Variants in CASP8 observed in about 807,000 individuals in gnomAD.
The protein encoded by CASP8 is caspase 8.
A neutral mutation model predicts 46.3 loss-of-function variants in CASP8; 24 were observed. The observed-to-expected ratio is 0.52, with a 90% CI of 0.38 to 0.73. The LOEUF is 0.73. Among genes scored for constraint, CASP8 ranks in the 30% least tolerant of loss-of-function variants. CASP8 has a pLI of 0.00. For missense variants in CASP8, 460 were observed against 559.0 expected (o/e 0.82, Z 1.79); for synonymous variants, 188 against 200.4 (o/e 0.94, Z 0.52).
upstream of CASP8, among the ~76,000 whole-genome samples, chr2:201,258,968 CTG>C (rs1947195156): frequency 7.2e-6 from 1 of 139,588 alleles, no homozygotes; most frequent in Non-Finnish European, 1.6e-5. Flanking sequence ...TATGTGTACA[CTG>C]TTTTTTAACT....
chr2:201,235,203 T>C (rs2124828878), intron 2 of CASP8, among the ~76,000 whole-genome samples: 2 of 152,324 alleles, frequency 1.3e-5, no homozygotes, highest in South Asian at 4.1e-4. Context: ...TTTTCCTTTA[T>C]GTCTGCCTTA....
At chr2:201,252,310 T>G (rs1056766757) in intron 2 of CASP8, among the ~76,000 whole-genome samples, 6 of 152,124 alleles carry the variant, frequency 3.9e-5, no homozygotes, top group African/African-American at 1.4e-4. Context: ...AGAGTCTCGC[T>G]CTGTCACCAG....
chr2:201,265,777 CT>C (rs1284445048), intron 1 of CASP8, among the ~76,000 whole-genome samples: 2 of 152,102 alleles, frequency 1.3e-5, no homozygotes, highest in Admixed American at 6.5e-5. Context: ...CTCCTTGTGC[CT>C]GCCTGAATGG....
chr2:201,238,052 A>G (rs946541639), intron 2 of CASP8, among the ~76,000 whole-genome samples: 1 of 152,260 alleles, frequency 6.6e-6, no homozygotes, highest in South Asian at 2.1e-4. Context: ...GGGAGCAGTC[A>G]GGGTAGACTT....
At chr2:201,258,339 A>G (rs1270927174), upstream of CASP8, 2 of 1,613,966 alleles carry the variant, frequency 1.2e-6, no homozygotes, top group East Asian at 2.2e-5. Context: ...TAGGCAGGTT[A>G]GGGGACTCGG....
chr2:201,272,080 G>A lies in CASP8; in HGVS notation c.411+459G>A, dbSNP rs1220490860. On this transcript the variant is annotated intron_variant, in intron 3 of 8. Coordinates refer to ENST00000673742, the MANE Select transcript of CASP8 (RefSeq NM_001372051.1). This position sits in a 1 kb window ranked among gnomAD's most constrained non-coding sequence, Gnocchi z 4.4. ...ATCTCTGTGTGTCTCTGTATAAGTG[G>A]TGTGTGTGTCTGTGTATCTCTGTGT... Among the ~76,000 whole-genome samples, 1 of 151,730 alleles carries A rather than the reference G, an allele frequency of 6.6e-6. No homozygotes were observed. Among genetic ancestry groups the A allele is most frequent in the Non-Finnish European group, 1.5e-5 (1 of 67,914 alleles).
At chr2:201,271,491 A>G in intron 2 of CASP8, 25 bp from the exon 3 acceptor site, 1 of 1,349,712 alleles carries the variant, frequency 7.4e-7, no homozygotes, top group Non-Finnish European at 1.1e-6. Flanking sequence ...AAAGATTTCT[A>G]AAGTGTCTCC....
intron 2 of CASP8, among the ~76,000 whole-genome samples, chr2:201,250,486 G>C (rs34308746): frequency 0.014 from 2,119 of 152,284 alleles, 51 homozygotes; most frequent in African/African-American, 0.049. Flanking sequence ...GAAGACAAAG[G>C]GGGAGCGAGA....
intron 2 of CASP8, among the ~76,000 whole-genome samples, chr2:201,243,621 A>G (rs1348242027): frequency 1.3e-5 from 2 of 152,224 alleles, no homozygotes; most frequent in Admixed American, 6.5e-5. Flanking sequence ...TACCTACCAG[A>G]TGCCCAAATC....
chr2:201,261,666 C>G (rs758162057), intron 1 of CASP8, among the ~76,000 whole-genome samples: 2 of 152,070 alleles, frequency 1.3e-5, no homozygotes, highest in African/African-American at 4.8e-5. Context: ...CGGGGCAGCC[C>G]GCAGTCTGAG....
At chr2:201,267,385 G>C (rs1947898377) in intron 2 of CASP8, among the ~76,000 whole-genome samples, 1 of 152,056 alleles carries the variant, frequency 6.6e-6, no homozygotes, top group Non-Finnish European at 1.5e-5. Context: ...TTAAAGACTC[G>C]AATGACTAAG....
chr2:201,280,144 C>T (rs1310518795), intron 7 of CASP8, among the ~76,000 whole-genome samples: 1 of 151,900 alleles, frequency 6.6e-6, no homozygotes, highest in African/African-American at 2.4e-5. Flanking sequence ...GAAAAAGGGA[C>T]AGAACAAGCA....
intron 2 of CASP8, among the ~76,000 whole-genome samples, chr2:201,237,444 A>T (rs1012783729): frequency 6.6e-6 from 1 of 150,954 alleles, no homozygotes; most frequent in African/African-American, 2.4e-5. Flanking sequence ...AGAGTAAAAA[A>T]AAAAAAAAAA....
Position 201,284,828 on chromosome 2 carries a change from C to G in CASP8, c.815C>G (p.Thr272Arg), listed in dbSNP as rs139337151. 1.3e-5 allele frequency: 21 copies of G among 1,613,530 alleles called. No individual in the cohort carries two copies. The highest frequency in any genetic ancestry group is 1.7e-5 in the Non-Finnish European group (20 of 1,180,004). Reference sequence around the variant, plus strand: ...TTTCACTTTTCAGGGGCTTTGACCACGACCTTTGAAGAGCTTCATTTTGAG... The same window carrying G: ...TTTCACTTTTCAGGGGCTTTGACCAGGACCTTTGAAGAGCTTCATTTTGAG... ...GTHLDAGALTTTFEELHFEIK... is the reference protein window; with the variant it reads ...GTHLDAGALTRTFEELHFEIK... Residue 272 changes from threonine to arginine, a missense_variant, in exon 8 of 9, where the codon ACG (threonine) becomes AGG (arginine). Coordinates refer to ENST00000673742, the MANE Select transcript of CASP8 (RefSeq NM_001372051.1).
intron 2 of CASP8, among the ~76,000 whole-genome samples, chr2:201,243,455 T>G (rs1467162915): frequency 6.6e-6 from 1 of 152,238 alleles, no homozygotes; most frequent in Non-Finnish European, 1.5e-5. Flanking sequence ...ACAAGCATAA[T>G]GTAAATAATT....
chr2:201,286,800 T>A lies in CASP8; in HGVS notation c.*206T>A. On this transcript the variant is annotated 3_prime_UTR_variant, in exon 9 of 9. Coordinates refer to ENST00000673742, the MANE Select transcript of CASP8 (RefSeq NM_001372051.1). ...CTGGCTAATTTTTTAAAAATATTTT[T>A]AGTAGAGACAGGGTTTCACTGTGTT... 1 of 461,810 alleles carries A rather than the reference T, an allele frequency of 2.2e-6. No homozygotes were observed. The highest frequency in any genetic ancestry group is 4.0e-6 in the Non-Finnish European group (1 of 250,664). 28.6% of individuals were successfully genotyped at this position (461,810 alleles called of 1,614,324 possible).
At position 201,285,014 on chromosome 2, in the gene CASP8, A is replaced by G. The variant is rs772661314; in HGVS notation, c.1001A>G (p.Tyr334Cys). 52 of 1,614,010 alleles carry G rather than the reference A, an allele frequency of 3.2e-5. No individual in the cohort carries two copies. Among genetic ancestry groups the G allele is most frequent in the Non-Finnish European group, 4.0e-5 (47 of 1,179,996 alleles). ...ACTGATGGACAGGAGGCCCCCATCTATGAGCTGACATCTCAGTTCACTGGT... is the reference window on the plus strand; with the variant it reads ...ACTGATGGACAGGAGGCCCCCATCTGTGAGCTGACATCTCAGTTCACTGGT... Reference protein sequence around the residue: ...YGTDGQEAPIYELTSQFTGLK... With the variant: ...YGTDGQEAPICELTSQFTGLK... The change falls in exon 8 of 9, where the codon TAT (tyrosine) becomes TGT (cysteine). Residue 334 changes from tyrosine (Y) to cysteine (C), a missense_variant. By Grantham distance (194) the Tyr-to-Cys change is radical. Transcript: ENST00000673742.
chr2:201,246,030 G>A (rs1265885340), intron 2 of CASP8, among the ~76,000 whole-genome samples: 2 of 152,038 alleles, frequency 1.3e-5, no homozygotes, highest in Non-Finnish European at 2.9e-5. Flanking sequence ...ACCATGCCCG[G>A]CTAATTTTGT....
In CASP8 at chr2:201,277,802, G is replaced by A. The variant is rs567655732; in HGVS notation, c.802+834G>A. The A allele has an allele frequency of 1.2e-3, 427 of 368,800 alleles. 4 individuals are homozygous for A. The highest frequency in any genetic ancestry group is 8.2e-3 in the South Asian group (415 of 50,482). The allele number at this position is 368,800 out of a possible 1,614,324, so 22.8% of individuals were successfully genotyped here. A position where few individuals can be genotyped will look rare whatever the true frequency, so the allele number is the denominator to read the frequency against. On this transcript the variant is annotated intron_variant, in intron 7 of 8. Transcript: ENST00000673742. ...TGCAGCCTCCACCTCCCTGGTTCAAGTGATTCTCCTGCCTCAGCCTCCCAA... is the reference window on the plus strand; with the variant it reads ...TGCAGCCTCCACCTCCCTGGTTCAAATGATTCTCCTGCCTCAGCCTCCCAA...
Sources: gnomAD v4.1 joint callset for allele counts (sites outside exome capture counted in the v4.1 genomes callset) on GRCh38, gnomAD v4.1.1 for gene constraint, Gnocchi (gnomAD v3.1) non-coding constraint, MANE v1.5 for transcripts, NCBI Gene and HGNC (gene_info 2026-07-23, HGNC 2026-07-21) for gene names.